Variants in TRPM3 observed in about 807,000 individuals in gnomAD.
The protein encoded by TRPM3 is transient receptor potential cation channel subfamily M member 3, also known as long transient receptor potential channel 3.
TRPM3 carries 77 observed loss-of-function variants against 181.2 expected under a neutral mutation model. That is an observed-to-expected ratio of 0.42 (90% confidence interval 0.35 to 0.51). The LOEUF is 0.51. Ranked by LOEUF, TRPM3 falls within the 20% of genes least tolerant of loss-of-function variation. TRPM3 has a pLI of 0.01. For synonymous variants in TRPM3, 745 were observed against 796.4 expected (o/e 0.94, Z 1.09); for missense variants, 1,759 against 2,196.7 (o/e 0.80, Z 3.98).
At chr9:70,605,681 C>CA (rs1014000334) in intron 19 of TRPM3, among the ~76,000 whole-genome samples, 1 of 151,756 alleles carries the variant, frequency 6.6e-6, no homozygotes, top group Non-Finnish European at 1.5e-5. Flanking sequence ...CTGCAAAAAA[C>CA]AAAAAAAGGA....
chr9:70,923,206 G>A (rs1024859537), intron 1 of TRPM3, among the ~76,000 whole-genome samples: 15 of 152,064 alleles, frequency 9.9e-5, no homozygotes, highest in South Asian at 6.2e-4. Context: ...AGCAAATGTC[G>A]CTTAAAATAA....
intron 1 of TRPM3, among the ~76,000 whole-genome samples, chr9:70,977,155 G>A (rs1191754572): frequency 6.6e-6 from 1 of 151,988 alleles, no homozygotes; most frequent in Non-Finnish European, 1.5e-5. Flanking sequence ...TTTTTTTTGA[G>A]ATGGAGTCTT....
At chr9:70,595,793 G>T (rs1245623957) in intron 21 of TRPM3, among the ~76,000 whole-genome samples, 2 of 152,150 alleles carry the variant, frequency 1.3e-5, no homozygotes, top group African/African-American at 4.8e-5. Context: ...TTGTTAAAGT[G>T]CAAAGAAGAT....
At chr9:70,927,314 T>C (rs1351711603) in intron 1 of TRPM3, among the ~76,000 whole-genome samples, 2 of 152,182 alleles carry the variant, frequency 1.3e-5, no homozygotes, top group Non-Finnish European at 2.9e-5. Flanking sequence ...AGGGTCAAAA[T>C]ACATTAAGCC....
chr9:70,855,249 C>T (rs144126760), intron 3 of TRPM3, among the ~76,000 whole-genome samples: 1 of 152,286 alleles, frequency 6.6e-6, no homozygotes, highest in Admixed American at 6.5e-5. Context: ...TAGGCAAAGG[C>T]TGATTGGTGG....
intron 8 of TRPM3, among the ~76,000 whole-genome samples, chr9:70,692,285 C>A (rs962276847): frequency 6.6e-6 from 1 of 152,216 alleles, no homozygotes; most frequent in South Asian, 2.1e-4. Flanking sequence ...TTGCTGGACA[C>A]TTACAAAGTT....
intron 6 of TRPM3, among the ~76,000 whole-genome samples, chr9:70,794,138 G>A (rs1233804991): frequency 1.4e-4 from 22 of 151,950 alleles, no homozygotes. Context: ...TCAGGTCAAT[G>A]CTGAGTGCAG....
At chr9:71,424,625 T>C (rs1360203760) in intron 1 of TRPM3, among the ~76,000 whole-genome samples, 1 of 152,172 alleles carries the variant, frequency 6.6e-6, no homozygotes, top group Non-Finnish European at 1.5e-5. Flanking sequence ...TTTTATTTTA[T>C]AGAGGACCTA....
intron 1 of TRPM3, among the ~76,000 whole-genome samples, chr9:71,231,651 C>T (rs924085338): frequency 1.3e-5 from 2 of 152,100 alleles, no homozygotes; most frequent in Non-Finnish European, 2.9e-5. Flanking sequence ...CAGCTGGAGG[C>T]CATTATCCTA....
At chr9:70,782,922 G>C (rs2082772616) in intron 7 of TRPM3, among the ~76,000 whole-genome samples, 1 of 152,004 alleles carries the variant, frequency 6.6e-6, no homozygotes, top group African/African-American at 2.4e-5. Flanking sequence ...GGCTTATGTG[G>C]AGTACTGGGC....
chr9:71,249,731 T>C (rs1370539903), intron 1 of TRPM3, among the ~76,000 whole-genome samples: 1 of 152,188 alleles, frequency 6.6e-6, no homozygotes, highest in African/African-American at 2.4e-5. Context: ...CCCAAAGACC[T>C]TCTCTTTAGT....
At chr9:70,808,933 T>G (rs1327230889) in intron 6 of TRPM3, among the ~76,000 whole-genome samples, 1 of 152,200 alleles carries the variant, frequency 6.6e-6, no homozygotes, top group African/African-American at 2.4e-5. Context: ...CTTTGGTCAA[T>G]GACAGACCAC....
At chr9:71,029,772 T>C (rs887221847) in intron 1 of TRPM3, among the ~76,000 whole-genome samples, 27 of 152,276 alleles carry the variant, frequency 1.8e-4, no homozygotes, top group South Asian at 6.2e-4. Flanking sequence ...CTTATATAGA[T>C]ATGTGCTCAA....
At chr9:71,383,947 T>C (rs1197195993) in intron 1 of TRPM3, among the ~76,000 whole-genome samples, 1 of 152,190 alleles carries the variant, frequency 6.6e-6, no homozygotes, top group Non-Finnish European at 1.5e-5. Flanking sequence ...AAGTTAGAGT[T>C]TTTTGAAACA....
intron 4 of TRPM3, among the ~76,000 whole-genome samples, chr9:70,844,773 T>C (rs2094882029): frequency 6.6e-6 from 1 of 152,236 alleles, no homozygotes; most frequent in Non-Finnish European, 1.5e-5. Context: ...ATGCATTTTA[T>C]AAAAGAACAA....
chr9:70,892,610 C>A (rs962744318), intron 1 of TRPM3, among the ~76,000 whole-genome samples: 338 of 121,468 alleles, frequency 2.8e-3, no homozygotes, highest in Admixed American at 3.6e-3. Context: ...CGTTTGACCT[C>A]AAAAAAAAAA....
chr9:70,570,107 A>G (rs1447766534), intron 22 of TRPM3, among the ~76,000 whole-genome samples: 1 of 151,960 alleles, frequency 6.6e-6, no homozygotes, highest in South Asian at 2.1e-4. Flanking sequence ...GTTGCTTTAG[A>G]TTTTGGGACT....
intron 6 of TRPM3, chr9:70,827,048 T>C (rs1471366164): frequency 1.3e-5 from 2 of 152,226 alleles, no homozygotes; most frequent in African/African-American, 4.8e-5. Context: ...TCCTATGCGC[T>C]TAAGAGATAA....
rs755424451 is a variant in TRPM3, at chr9:70,625,290, G to C, written c.1710C>G (p.Ile570Met). Residue 570 changes from isoleucine (I) to methionine (M), a missense_variant, in exon 14 of 26, where the codon ATC becomes ATG. Transcript: ENST00000677713. The surrounding 1 kb of genome is among the most constrained non-coding windows in gnomAD (Gnocchi z 4.8). ...CCATCAGGTACTCGATCACCAGGCCGATGTCAATCAGGCTGATTCTGTAGT... is the reference window on the plus strand; with the variant it reads ...CCATCAGGTACTCGATCACCAGGCCCATGTCAATCAGGCTGATTCTGTAGT... ...PPDYRISLIDIGLVIEYLMGG... is the reference protein window; with the variant it reads ...PPDYRISLIDMGLVIEYLMGG... 6.2e-7 allele frequency: 1 copy of C among 1,614,178 alleles called. No homozygotes were observed. The highest frequency in any genetic ancestry group is 1.1e-5 in the South Asian group (1 of 91,084).
Sources: allele counts gnomAD v4.1 joint callset (sites outside exome capture counted in the v4.1 genomes callset), GRCh38; gene constraint gnomAD v4.1.1; non-coding constraint Gnocchi (gnomAD v3.1); transcripts MANE v1.5; gene names NCBI Gene and HGNC (gene_info 2026-07-23, HGNC 2026-07-21).